Variants in ZNF543 observed in about 807,000 individuals in gnomAD.
The protein encoded by ZNF543 is zinc finger protein 543.
Under a neutral mutation model 13.4 loss-of-function variants are expected in ZNF543, and 10 were observed. The ratio of observed to expected loss-of-function variants is 0.75; its 90% confidence interval spans 0.46 to 1.26. The LOEUF (loss-of-function observed/expected upper bound fraction) is 1.26, where lower values mean the gene tolerates loss of function less well. Among genes scored for constraint, ZNF543 ranks in the 50% most tolerant of loss-of-function variants. The probability of loss-of-function intolerance (pLI) is 0.00; values close to 1 mark genes in which losing one functional copy is unlikely to be tolerated. For synonymous variants in ZNF543, 272 were observed against 264.7 expected (o/e 1.03, Z -0.27); for missense variants, 768 against 741.2 (o/e 1.04, Z -0.42).
At chr19:57,321,261 CT>C (rs1361012508) in intron 1 of ZNF543, among the ~76,000 whole-genome samples, 1 of 152,214 alleles carries the variant, frequency 6.6e-6, no homozygotes, top group East Asian at 1.9e-4. Context: ...CAGGCTTTCT[CT>C]TTGCACTTCC....
rs368618440 is a variant in ZNF543 at position 57,328,572 on chromosome 19, C to T, written c.1110C>T (p.Asn370=). 4.7e-5 allele frequency: 76 copies of T among 1,611,594 alleles called. No homozygotes were observed. The highest frequency in any genetic ancestry group is 4.2e-4 in the South Asian group (38 of 90,964). The change falls in exon 4 of 4, where the codon AAC becomes AAT. Residue 370 remains asparagine (N), a synonymous_variant. Transcript: ENST00000321545. ...IHTGVKPFEC[N]ECGKAFCESA... ...CTGGAGTGAAACCCTTTGAATGCAA[C>T]GAGTGTGGAAAAGCTTTTTGCGAGA...
At chr19:57,327,212 C>T (rs2088126945) in intron 3 of ZNF543, among the ~76,000 whole-genome samples, 1 of 151,802 alleles carries the variant, frequency 6.6e-6, no homozygotes, top group Non-Finnish European at 1.5e-5. Flanking sequence ...ATTTCACTAA[C>T]GCATAATAAA....
chr19:57,326,877 AC>A (rs1568509721), intron 3 of ZNF543, 149 bp downstream of exon 3: 20 of 210,682 alleles, frequency 9.5e-5, no homozygotes, highest in South Asian at 1.7e-4. Flanking sequence ...GCCCCCCCCC[AC>A]CCGCCTTCAG....
At position 57,330,093 on chromosome 19, in the gene ZNF543, A is replaced by G. The variant is rs2361121; in HGVS notation, c.*828A>G. ...AACGTTCTCCACTCTCGAGGTGCAG[A>G]AGCATACATCTTTATAAAAAATATG... On this transcript the variant is annotated 3_prime_UTR_variant, in exon 4 of 4. Coordinates refer to ENST00000321545, the MANE Select transcript of ZNF543 (RefSeq NM_213598.4). 149,534 of 152,272 alleles carry G rather than the reference A, an allele frequency of 0.98. 73,435 individuals carry two copies. Among genetic ancestry groups the G allele is most frequent in the East Asian group, 1 (5,180 of 5,180 alleles). 9.4% of individuals were successfully genotyped at this position (152,272 alleles called of 1,614,324 possible).
chr19:57,326,851 G>C, intron 3 of ZNF543, 123 bp downstream of exon 3: 1 of 692,328 alleles, frequency 1.4e-6, no homozygotes, highest in Non-Finnish European at 2.3e-6. Context: ...GGGATCCATG[G>C]AGCCTCTCCC....
At position 57,328,476 on chromosome 19, in the gene ZNF543, C is replaced by G. The variant is rs1460842686; in HGVS notation, c.1014C>G (p.Pro338=). The change falls in exon 4 of 4, where the codon CCC becomes CCG. Residue 338 remains proline, a synonymous_variant. Coordinates refer to ENST00000321545, the MANE Select transcript of ZNF543 (RefSeq NM_213598.4). ...ACATCATCCACACGGGAGAGAAGCC[C>G]TATGAGTGCATTGAGTGTGGGAAGG... The part of the protein sequence containing the change: ...RHYIIHTGEK[P]YECIECGKAF... 6.2e-7 allele frequency: 1 copy of G among 1,614,222 alleles called. No individual in the cohort carries two copies. Among genetic ancestry groups the G allele is most frequent in the Non-Finnish European group, 8.5e-7 (1 of 1,180,040 alleles).
At chr19:57,321,053 C>T (rs570156276) in intron 1 of ZNF543, among the ~76,000 whole-genome samples, 182 bp downstream of exon 1, 1 of 152,336 alleles carries the variant, frequency 6.6e-6, no homozygotes, top group South Asian at 2.1e-4. Flanking sequence ...CCGACAGGTG[C>T]TCAGTCCTTG....
At chr19:57,323,579 G>C in intron 1 of ZNF543, 103 bp from the exon 2 acceptor site, 5 of 1,420,164 alleles carry the variant, frequency 3.5e-6, no homozygotes, top group Non-Finnish European at 4.9e-6. Flanking sequence ...TTGGTGATTT[G>C]ATTCTTGGGT....
chr19:57,329,394 G>A lies in ZNF543; in HGVS notation c.*129G>A, dbSNP rs2088148468. Reference sequence around the variant, plus strand: ...TCAAGTTAGAAATTGAACCAGCCTGGAGTCTTATTCTCCACCTGAGAATTC... The same window carrying A: ...TCAAGTTAGAAATTGAACCAGCCTGAAGTCTTATTCTCCACCTGAGAATTC... On this transcript the variant is annotated 3_prime_UTR_variant, in exon 4 of 4. Transcript: ENST00000321545. The A allele has an allele frequency of 2.3e-6, 3 of 1,325,550 alleles. No individual in the cohort carries two copies. Among genetic ancestry groups the A allele is most frequent in the Admixed American group, 4.7e-5 (2 of 42,756 alleles). 82.1% of individuals were successfully genotyped at this position (1,325,550 alleles called of 1,614,324 possible). A position where few individuals can be genotyped will look rare whatever the true frequency, so the allele number is the denominator to read the frequency against.
chr19:57,328,764 C>G lies in ZNF543; in HGVS notation c.1302C>G (p.His434Gln), dbSNP rs1212176725. Residue 434 changes from histidine (H) to glutamine (Q), a missense_variant, in exon 4 of 4, where the codon CAC becomes CAG. His to Gln is a conservative substitution (Grantham distance 24, BLOSUM62 0). Transcript: ENST00000321545. ...ECSECGKAFT[H>Q]CSTFVLHKRT... ...GTGAATGTGGAAAGGCCTTCACCCA[C>G]TGCTCCACTTTTGTCTTGCATAAAA... 1 of 1,614,134 alleles carries G rather than the reference C, an allele frequency of 6.2e-7. No individual in the cohort carries two copies. Among genetic ancestry groups the G allele is most frequent in the Non-Finnish European group, 8.5e-7 (1 of 1,180,036 alleles).
intron 1 of ZNF543, among the ~76,000 whole-genome samples, chr19:57,322,818 C>T (rs974289965): frequency 1.6e-4 from 25 of 152,024 alleles, no homozygotes; most frequent in African/African-American, 5.8e-4. Flanking sequence ...AGTGGAAAAC[C>T]CTGTTGTGTT....
chr19:57,329,319 T>TC lies in ZNF543; in HGVS notation c.*56dup. The TC allele has an allele frequency of 6.5e-7, 1 of 1,527,128 alleles. No individual in the cohort carries two copies. The highest frequency in any genetic ancestry group is 8.7e-7 in the Non-Finnish European group (1 of 1,144,180). 94.6% of individuals were successfully genotyped at this position (1,527,128 alleles called of 1,614,324 possible). ...ACACTGAAGAGAAACTTCATAAGCA[T>TC]CCTCTCTTTGAGAAAACGTGTAATA... On this transcript the variant is annotated 3_prime_UTR_variant, in exon 4 of 4. Coordinates refer to ENST00000321545, the MANE Select transcript of ZNF543 (RefSeq NM_213598.4).
chr19:57,328,148 GCA>G lies in ZNF543; in HGVS notation c.689_690del (p.Thr230ArgfsTer7). ...CACACTCAAGTGAAGCCCTATGAAT[GCA>G]CAGAGTGTGGGAAAACCTTTAGCAA... is the stretch of plus-strand genomic sequence containing the variant. On this transcript the variant is annotated frameshift_variant, in exon 4 of 4. Coordinates refer to ENST00000321545, the MANE Select transcript of ZNF543 (RefSeq NM_213598.4). LOFTEE classifies it low-confidence loss of function (END_TRUNC). 1.9e-6 allele frequency: 3 copies of G among 1,614,230 alleles called. No homozygotes were observed. The highest frequency in any genetic ancestry group is 2.5e-6 in the Non-Finnish European group (3 of 1,180,024).
In ZNF543 at chr19:57,327,867, G is replaced by A; in HGVS notation, c.405G>A (p.Leu135=). Residue 135 remains leucine, a synonymous_variant, in exon 4 of 4, where the codon TTG becomes TTA. Transcript: ENST00000321545. ...CATCTGAAATGCAAGAAGTCCACTT[G>A]AAAATAGGGATAGGCCCCCAGCGGG... is the stretch of plus-strand genomic sequence containing the variant. ...DGPSEMQEVH[L]KIGIGPQRGK... The A allele has an allele frequency of 6.2e-7, 1 of 1,614,130 alleles. No individual in the cohort carries two copies. The highest frequency in any genetic ancestry group is 8.5e-7 in the Non-Finnish European group (1 of 1,180,018).
chr19:57,320,688 C>G lies in ZNF543; in HGVS notation c.-166C>G. The G allele has an allele frequency of 2.6e-6, 2 of 778,952 alleles. No homozygotes were observed. Among genetic ancestry groups the G allele is most frequent in the South Asian group, 4.1e-5 (2 of 48,514 alleles). The allele number at this position is 778,952 out of a possible 1,614,324, so 48.3% of individuals were successfully genotyped here. On this transcript the variant is annotated 5_prime_UTR_variant, in exon 1 of 4. Coordinates refer to ENST00000321545, the MANE Select transcript of ZNF543 (RefSeq NM_213598.4). Reference sequence around the variant, plus strand: ...CTAGGCCTCCGCAGCCGCCCTCCGTCTCCTCAGCCCCGACGCTGCGCCCGC... The same window carrying G: ...CTAGGCCTCCGCAGCCGCCCTCCGTGTCCTCAGCCCCGACGCTGCGCCCGC...
At chr19:57,325,060 G>C (rs2088113106) in intron 2 of ZNF543, among the ~76,000 whole-genome samples, 1 of 152,154 alleles carries the variant, frequency 6.6e-6, no homozygotes, top group African/African-American at 2.4e-5. Context: ...ACTTGGATTT[G>C]AGAGCCACAG....
In ZNF543 at chr19:57,322,593, C is replaced by T. The variant is rs187124635; in HGVS notation, c.19-1089C>T. On this transcript the variant is annotated intron_variant, in intron 1 of 3. Transcript: ENST00000321545. ...ATTAACTTTGCTAATGAAGGAGTGT[C>T]GGGTTGCATGATTAGAACATAGACC... Among the ~76,000 whole-genome samples, 170 of 152,058 alleles carry T rather than the reference C, an allele frequency of 1.1e-3. 1 individual carries two copies. The highest frequency in any genetic ancestry group is 3.8e-3 in the African/African-American group (159 of 41,476).
At chr19:57,321,020 C>A in intron 1 of ZNF543, 149 bp downstream of exon 1, 1 of 1,106,382 alleles carries the variant, frequency 9.0e-7, no homozygotes, top group Non-Finnish European at 1.3e-6. Context: ...CCTTTATCCG[C>A]AGTCCTGCAA....
intron 1 of ZNF543, 56 bp from the exon 2 acceptor site, chr19:57,323,626 C>T: frequency 1.3e-6 from 2 of 1,599,026 alleles, no homozygotes; most frequent in Non-Finnish European, 1.7e-6. Flanking sequence ...GTGACAAGTT[C>T]TAGTTGTATT....
Sources: allele counts gnomAD v4.1 joint callset (sites outside exome capture counted in the v4.1 genomes callset), GRCh38; gene constraint gnomAD v4.1.1; transcripts MANE v1.5; gene names NCBI Gene and HGNC (gene_info 2026-07-23, HGNC 2026-07-21).